CPVL: variants seen among roughly 807,000 people sequenced by gnomAD.
CPVL encodes probable serine carboxypeptidase CPVL.
A neutral mutation model predicts 63.7 loss-of-function variants in CPVL; 51 were observed. The ratio of observed to expected loss-of-function variants is 0.80; its 90% CI spans 0.64 to 1.01. The LOEUF is 1.01. CPVL is among the 50% of genes least tolerant of loss of function. The pLI is 0.00. For synonymous variants in CPVL, 195 were observed against 206.0 expected (o/e 0.95, Z 0.46); for missense variants, 530 against 573.1 (o/e 0.92, Z 0.77).
intron 6 of CPVL, 27 bp from the exon 7 acceptor site, chr7:29,086,577 C>T (rs1554337235): frequency 8.1e-6 from 12 of 1,487,514 alleles, no homozygotes; most frequent in African/African-American, 1.4e-5. Context: ...AAGAACAACA[C>T]AAATTAATCA....
chr7:29,057,321 T>TC (rs1041219497), intron 11 of CPVL, among the ~76,000 whole-genome samples: 1 of 152,166 alleles, frequency 6.6e-6, no homozygotes, highest in African/African-American at 2.4e-5. Context: ...CAGGTCTTTT[T>TC]CCCATTTCTA....
At chr7:29,090,862 C>A (rs993071646) in intron 6 of CPVL, among the ~76,000 whole-genome samples, 2 of 152,050 alleles carry the variant, frequency 1.3e-5, no homozygotes, top group African/African-American at 4.8e-5. Flanking sequence ...TATTAATAGT[C>A]AAAAAGAATG....
chr7:29,035,279 G>A (rs1404648050), intron 11 of CPVL, among the ~76,000 whole-genome samples: 2 of 152,142 alleles, frequency 1.3e-5, no homozygotes, highest in Non-Finnish European at 2.9e-5. Flanking sequence ...GATACTGTGA[G>A]GCAACAGAAT....
intron 12 of CPVL, 63 bp from the exon 13 acceptor site, chr7:28,995,945 G>A (rs1281566564): frequency 3.2e-6 from 3 of 938,280 alleles, no homozygotes; most frequent in Middle Eastern, 3.2e-4. Context: ...TACATGGAAA[G>A]TTTTCATTCA....
chr7:29,142,023 A>T (rs1584384397), intron 1 of CPVL, among the ~76,000 whole-genome samples: 1 of 152,170 alleles, frequency 6.6e-6, no homozygotes, highest in East Asian at 1.9e-4. Flanking sequence ...GTATGCTCTA[A>T]AAGTCCTAGA....
chr7:29,161,998 G>A (rs1315853947), intron 5 of CPVL, among the ~76,000 whole-genome samples: 1 of 152,080 alleles, frequency 6.6e-6, no homozygotes, highest in Admixed American at 6.6e-5. Flanking sequence ...TATTAGAATA[G>A]CTAAAATAAA....
chr7:29,079,909 T>C (rs67071323), intron 7 of CPVL, among the ~76,000 whole-genome samples: 16,052 of 152,198 alleles, frequency 0.11, 1,063 homozygotes, highest in Middle Eastern at 0.15. Flanking sequence ...ATCCTTTCTA[T>C]GGAACAATGA....
chr7:29,080,128 G>A (rs1784562512), intron 7 of CPVL, among the ~76,000 whole-genome samples: 1 of 152,026 alleles, frequency 6.6e-6, no homozygotes. Flanking sequence ...GGAGGCGAGA[G>A]GAGCAGAAAA....
At chr7:29,025,556 C>G (rs554270329) in intron 12 of CPVL, among the ~76,000 whole-genome samples, 38 of 152,238 alleles carry the variant, frequency 2.5e-4, no homozygotes, top group African/African-American at 6.7e-4. Flanking sequence ...CAGCTTGAGA[C>G]TTGGAGGGGA....
chr7:29,057,627 T>C lies in CPVL; in HGVS notation c.1137+6434A>G, dbSNP rs553932578. ...GTTAATGCCTACAAGTGTTATAGTT[T>C]TATGTTTTACCTTTAGGTCTACAAT... On this transcript the variant is annotated intron_variant, in intron 11 of 12. Coordinates refer to ENST00000265394, the MANE Select transcript of CPVL (RefSeq NM_031311.5). Among the ~76,000 whole-genome samples, 13 of 152,352 alleles carry C rather than the reference T, an allele frequency of 8.5e-5. No homozygotes were observed. In the South Asian group the frequency reaches 2.7e-3, roughly 32 times the overall value.
intron 5 of CPVL, among the ~76,000 whole-genome samples, chr7:29,172,201 C>T (rs976060648): frequency 6.6e-6 from 1 of 152,134 alleles, no homozygotes; most frequent in African/African-American, 2.4e-5. Context: ...GGGCATCTTA[C>T]TGTAAATCAT....
At chr7:29,001,140 T>C (rs887816304) in intron 12 of CPVL, 2 of 152,114 alleles carry the variant, frequency 1.3e-5, no homozygotes, top group Non-Finnish European at 2.9e-5. Context: ...AATCAGTGAT[T>C]AATCCGATAT....
At chr7:29,071,715 C>T in intron 9 of CPVL, 58 bp downstream of exon 9, 2 of 750,696 alleles carry the variant, frequency 2.7e-6, no homozygotes, top group Non-Finnish European at 4.1e-6. Context: ...GCTCACCCGC[C>T]CTCCCTCCCC....
intron 1 of CPVL, among the ~76,000 whole-genome samples, chr7:29,122,082 A>G (rs2128642756): frequency 6.6e-6 from 1 of 152,288 alleles, no homozygotes; most frequent in South Asian, 2.1e-4. Flanking sequence ...TTATATTTAT[A>G]GTGGGCTTTC....
In CPVL at chr7:29,064,220, C is replaced by A; in HGVS notation, c.978G>T (p.Gln326His). The change falls in exon 11 of 13, where the codon CAG becomes CAT. Residue 326 changes from glutamine to histidine, a missense_variant. Transcript: ENST00000265394. ...NFLRCTEPED[Q>H]LYYVKFLSLP... ...GTGACAAAAATTTCACATAGTAAAGCTGATCCTCAGGTTCCTGGCAGAAGG... is the reference window on the plus strand; with the variant it reads ...GTGACAAAAATTTCACATAGTAAAGATGATCCTCAGGTTCCTGGCAGAAGG... 1 of 1,612,112 alleles carries A rather than the reference C, an allele frequency of 6.2e-7. No homozygotes were observed. Among genetic ancestry groups the A allele is most frequent in the Non-Finnish European group, 8.5e-7 (1 of 1,178,498 alleles).
chr7:29,037,362 G>C lies in CPVL; in HGVS notation c.1138-6603C>G, dbSNP rs1788630226. Reference sequence around the variant, plus strand: ...GATGGAGACCATCCTGGCTAACACGGTGAAACCCCGTCTCTACTAAAATAA... The same window carrying C: ...GATGGAGACCATCCTGGCTAACACGCTGAAACCCCGTCTCTACTAAAATAA... On this transcript the variant is annotated intron_variant, in intron 11 of 12. Coordinates refer to ENST00000265394, the MANE Select transcript of CPVL (RefSeq NM_031311.5). 2.0e-5 allele frequency among the ~76,000 whole-genome samples: 3 copies of C among 151,602 alleles called. No individual in the cohort carries two copies. In the South Asian group the frequency reaches 6.3e-4, roughly 32 times the overall value.
At chr7:29,008,577 CAT>C (rs778683548) in intron 12 of CPVL, among the ~76,000 whole-genome samples, 57 of 152,294 alleles carry the variant, frequency 3.7e-4, no homozygotes, top group South Asian at 6.2e-4. Context: ...GGATAGCCCT[CAT>C]GTTTCTTTTA....
intron 1 of CPVL, among the ~76,000 whole-genome samples, chr7:29,125,987 G>A (rs1267767825): frequency 6.6e-6 from 1 of 152,186 alleles, no homozygotes; most frequent in African/African-American, 2.4e-5. Flanking sequence ...CAAGAGAGCT[G>A]ATGGTTAAAT....
At chr7:29,183,676 C>T (rs1430874855) in intron 4 of CPVL, among the ~76,000 whole-genome samples, 1 of 151,894 alleles carries the variant, frequency 6.6e-6, no homozygotes, top group African/African-American at 2.4e-5. Context: ...CACACCTGGC[C>T]CAGAATTTTT....
Sources: gnomAD v4.1 joint callset for allele counts (sites outside exome capture counted in the v4.1 genomes callset) on GRCh38, gnomAD v4.1.1 for gene constraint, MANE v1.5 for transcripts, NCBI Gene and HGNC (gene_info 2026-07-23, HGNC 2026-07-21) for gene names.